The following GBA2 variants were observed in gnomAD, a reference collection of about 807,000 sequenced individuals.
The protein encoded by GBA2 is glucosylceramidase beta 2.
In GBA2, 79 loss-of-function variants were observed where a neutral mutation model predicts 112.9. The observed-to-expected ratio is 0.70, with a 90% confidence interval of 0.58 to 0.84. GBA2 has a LOEUF of 0.84. GBA2 is among the 40% of genes least tolerant of loss of function. The pLI is 0.00. For synonymous variants in GBA2, 403 were observed against 434.3 expected (o/e 0.93, Z 0.90); for missense variants, 1,043 against 1,190.0 (o/e 0.88, Z 1.82).
Position 35,737,518 on chromosome 9 carries a change from G to A in GBA2, c.2506-71C>T. 6.4e-7 allele frequency: 1 copy of A among 1,573,270 alleles called. No individual in the cohort carries two copies. Among genetic ancestry groups the A allele is most frequent in the Admixed American group, 1.9e-5 (1 of 53,214 alleles). ...GAAGAGCCACTTCCACTGGATAGATGGAGGCAGTAGAGTCTTTGCCTTCAA... is the reference window on the plus strand; with the variant it reads ...GAAGAGCCACTTCCACTGGATAGATAGAGGCAGTAGAGTCTTTGCCTTCAA... On this transcript the variant is annotated intron_variant, in intron 16 of 16. Transcript: ENST00000378103. This position sits in a 1 kb window ranked among gnomAD's most constrained non-coding sequence, Gnocchi z 4.1.
intron 1 of GBA2, among the ~76,000 whole-genome samples, chr9:35,747,236 G>A (rs969044231): frequency 2.0e-5 from 3 of 152,168 alleles, no homozygotes; most frequent in African/African-American, 7.2e-5. Flanking sequence ...AGGGCTAAGA[G>A]GCTAGGATGC....
chr9:35,739,917 T>C, intron 8 of GBA2, 81 bp downstream of exon 8: 1 of 1,571,930 alleles, frequency 6.4e-7, no homozygotes, highest in Non-Finnish European at 8.7e-7. Flanking sequence ...TCTACTGACT[T>C]TGGTGGGTGG....
In GBA2 at chr9:35,740,916, A is replaced by C. The variant is rs1340358880; in HGVS notation, c.935T>G (p.Leu312Arg). 4.3e-6 allele frequency: 7 copies of C among 1,614,148 alleles called. No individual in the cohort carries two copies. Among genetic ancestry groups the C allele is most frequent in the Non-Finnish European group, 5.9e-6 (7 of 1,179,978 alleles). ...CCGGACAGTTTCCCCGCTACGCTCC[A>C]GACAGAAGGGCTCATTCCACAAACC... ...PGGLWNEPFC[L>R]ERSGETVRGL... The change falls in exon 5 of 17, where the codon CTG becomes CGG. Residue 312 changes from leucine (L) to arginine (R), a missense_variant. Coordinates refer to ENST00000378103, the MANE Select transcript of GBA2 (RefSeq NM_020944.3). This position sits in a 1 kb window ranked among gnomAD's most constrained non-coding sequence, Gnocchi z 4.7.
rs1038685843 is a variant in GBA2, at chr9:35,748,934, G to A, written c.-230C>T. 1 of 421,224 alleles carries A rather than the reference G, an allele frequency of 2.4e-6. No individual in the cohort carries two copies. The highest frequency in any genetic ancestry group is 6.2e-5 in the South Asian group (1 of 16,122). The allele number at this position is 421,224 out of a possible 1,614,324, so 26.1% of individuals were successfully genotyped here. On this transcript the variant is annotated 5_prime_UTR_variant, in exon 1 of 17. Coordinates refer to ENST00000378103, the MANE Select transcript of GBA2 (RefSeq NM_020944.3). ...TCGGTTGTCTCTGTAGGTCCTGGAC[G>A]GGAAGGGTCGGGCCTCGTCGTCATT... is the stretch of plus-strand genomic sequence containing the variant.
rs751575696 is a variant in GBA2 at position 35,737,717 on chromosome 9, T to C, written c.2505+31A>G. On this transcript the variant is annotated intron_variant, in intron 16 of 16. Transcript: ENST00000378103. The surrounding 1 kb of genome is among the most constrained non-coding windows in gnomAD (Gnocchi z 4.1). ...GAAGTTTTCTGGGCCAGGATACAGA[T>C]GGTGGAGAGATGGGAAAAGGAGTGC... is the stretch of plus-strand genomic sequence containing the variant. 3.7e-6 allele frequency: 6 copies of C among 1,611,642 alleles called. No individual in the cohort carries two copies. Among genetic ancestry groups the C allele is most frequent in the South Asian group, 2.2e-5 (2 of 91,038 alleles).
Position 35,738,545 on chromosome 9 carries a change from A to T in GBA2, c.2035T>A (p.Trp679Arg). ...GGYADQTYDGWVTTGPSAYCG... is the reference protein window; with the variant it reads ...GGYADQTYDGRVTTGPSAYCG... ...GCTAACCTGGGGCCTGTGGTCACCC[A>T]TCCATCATAGGTCTGGTCTGCATAG... The change falls in exon 13 of 17, where the codon TGG becomes AGG. Residue 679 changes from tryptophan (W) to arginine (R), a missense_variant. Trp to Arg is a moderately radical substitution (Grantham distance 101). Coordinates refer to ENST00000378103, the MANE Select transcript of GBA2 (RefSeq NM_020944.3). 1.2e-6 allele frequency: 2 copies of T among 1,613,068 alleles called. No individual in the cohort carries two copies. The highest frequency in any genetic ancestry group is 1.7e-6 in the Non-Finnish European group (2 of 1,178,982).
Position 35,738,794 on chromosome 9 carries a change from C to T in GBA2, c.1905G>A (p.Thr635=), listed in dbSNP as rs369401526. ...TGTCCTTCAGGAAGTTTTGATCACCCGTGAGGTAATAGTCCCGATAAACCT... is the reference window on the plus strand; with the variant it reads ...TGTCCTTCAGGAAGTTTTGATCACCTGTGAGGTAATAGTCCCGATAAACCT... The part of the protein sequence containing the change: ...VLQVYRDYYL[T]GDQNFLKDMW... The change falls in exon 12 of 17, where the codon ACG becomes ACA. Residue 635 remains threonine (T), a synonymous_variant. Coordinates refer to ENST00000378103, the MANE Select transcript of GBA2 (RefSeq NM_020944.3). 37 of 1,614,056 alleles carry T rather than the reference C, an allele frequency of 2.3e-5. No individual in the cohort carries two copies. The highest frequency in any genetic ancestry group is 2.8e-5 in the Non-Finnish European group (33 of 1,180,018).
rs1486112968 is a variant in GBA2 at position 35,739,398 on chromosome 9, T to C, written c.1604A>G (p.Asn535Ser). The change falls in exon 10 of 17, where the codon AAC (asparagine) becomes AGC (serine). Residue 535 changes from asparagine to serine, a missense_variant. By Grantham distance (46) the Asn-to-Ser change is conservative. Coordinates refer to ENST00000378103, the MANE Select transcript of GBA2 (RefSeq NM_020944.3). ...AGCATAAAAGTGGACATCATATGTG[T>C]TGTACATGCGGTACTCCTGGCCTGG... The part of the protein sequence containing the change: ...YLEGQEYRMY[N>S]TYDVHFYASF... 2 of 1,612,416 alleles carry C rather than the reference T, an allele frequency of 1.2e-6. No homozygotes were observed. The highest frequency in any genetic ancestry group is 4.5e-5 in the East Asian group (2 of 44,880).
Position 35,746,597 on chromosome 9 carries a change from A to T in GBA2, c.359+1749T>A, listed in dbSNP as rs112883818. On this transcript the variant is annotated intron_variant, in intron 1 of 16. Transcript: ENST00000378103. The surrounding 1 kb of genome is among the most constrained non-coding windows in gnomAD (Gnocchi z 5.2). ...CAAGAGCAAGACTGTCTCAAAAAAAAAATAATAATAAAATAAAAAGGGACA... is the reference window on the plus strand; with the variant it reads ...CAAGAGCAAGACTGTCTCAAAAAAATAATAATAATAAAATAAAAAGGGACA... 8.4e-3 allele frequency among the ~76,000 whole-genome samples: 1,285 copies of T among 152,252 alleles called. 20 individuals are homozygous for T. Among genetic ancestry groups the T allele is most frequent in the African/African-American group, 0.027 (1,112 of 41,510 alleles).
rs371965145 is a variant in GBA2 at position 35,737,961 on chromosome 9, C to T, written c.2314-22G>A. 20 of 1,606,276 alleles carry T rather than the reference C, an allele frequency of 1.2e-5. No homozygotes were observed. Among genetic ancestry groups the T allele is most frequent in the Non-Finnish European group, 1.7e-5 (20 of 1,176,164 alleles). ...ACACCTGGAGGGGCAAGGGCAGGAA[C>T]ATGGTCTCATATACTTACTTCCCAC... is the stretch of plus-strand genomic sequence containing the variant. On this transcript the variant is annotated intron_variant, in intron 15 of 16. Transcript: ENST00000378103. The surrounding 1 kb of genome is among the most constrained non-coding windows in gnomAD (Gnocchi z 4.1).
rs757341992 is a variant in GBA2, at chr9:35,740,083, G to T, written c.1324C>A (p.Pro442Thr). 6.2e-7 allele frequency: 1 copy of T among 1,614,120 alleles called. No individual in the cohort carries two copies. The highest frequency in any genetic ancestry group is 8.5e-7 in the Non-Finnish European group (1 of 1,179,990). ...CACAGTGCATAGTGGCTGAGGGCAG[G>T]TGCTGCATCTCCATCCTGGCCAAAG... ...RFFGQDGDAA[P>T]ALSHYALCRY... Residue 442 changes from proline (P) to threonine (T), a missense_variant, in exon 8 of 17, where the codon CCT becomes ACT. Transcript: ENST00000378103. The surrounding 1 kb of genome is among the most constrained non-coding windows in gnomAD (Gnocchi z 4.7).
intron 9 of GBA2, 57 bp from the exon 10 acceptor site, chr9:35,739,476 C>T (rs1826495742): frequency 1.4e-6 from 2 of 1,382,488 alleles, no homozygotes; most frequent in Admixed American, 1.7e-5. Flanking sequence ...CTTCAAACCC[C>T]TCTGTAGCTT....
chr9:35,741,336 TTTTTG>T lies in GBA2; in HGVS notation c.787-277_787-273del. The T allele has an allele frequency of 1.9e-6, 1 of 521,480 alleles. No individual in the cohort carries two copies. The highest frequency in any genetic ancestry group is 3.4e-6 in the Non-Finnish European group (1 of 295,986). The allele number at this position is 521,480 out of a possible 1,614,324, so 32.3% of individuals were successfully genotyped here. ...AGGCCATGCAGTTTCTTTTTTTTTT[TTTTTG>T]GGGGGTGCGGTGGCGCAATCTCGGC... On this transcript the variant is annotated intron_variant, in intron 4 of 16. Coordinates refer to ENST00000378103, the MANE Select transcript of GBA2 (RefSeq NM_020944.3). This position sits in a 1 kb window ranked among gnomAD's most constrained non-coding sequence, Gnocchi z 4.6.
intron 9 of GBA2, 103 bp downstream of exon 9, chr9:35,739,525 A>C (rs1326994651): frequency 7.7e-7 from 1 of 1,295,436 alleles, no homozygotes; most frequent in East Asian, 2.3e-5. Flanking sequence ...TTACTAGTCC[A>C]CACCCAACAC....
rs911679880 is a variant in GBA2 at position 35,748,798 on chromosome 9, C to G, written c.-94G>C. 2.6e-6 allele frequency: 2 copies of G among 759,530 alleles called. No individual in the cohort carries two copies. The highest frequency in any genetic ancestry group is 4.3e-6 in the Non-Finnish European group (2 of 464,864). The allele number at this position is 759,530 out of a possible 1,614,324, so 47.0% of individuals were successfully genotyped here. On this transcript the variant is annotated 5_prime_UTR_variant, in exon 1 of 17. Coordinates refer to ENST00000378103, the MANE Select transcript of GBA2 (RefSeq NM_020944.3). ...CGCCGGTCGTTGTTAGGTATCGTCC[C>G]GGAGGGCCGGGCGTTGGGGAAAGCT...
In GBA2 at chr9:35,740,892, C is replaced by T. The variant is rs368192956; in HGVS notation, c.959G>A (p.Arg320Gln). 4.6e-5 allele frequency: 75 copies of T among 1,613,830 alleles called. No individual in the cohort carries two copies. The highest frequency in any genetic ancestry group is 5.6e-5 in the Non-Finnish European group (66 of 1,179,898). Residue 320 changes from arginine to glutamine, a missense_variant, in exon 5 of 17, where the codon CGG (arginine) becomes CAG (glutamine). Coordinates refer to ENST00000378103, the MANE Select transcript of GBA2 (RefSeq NM_020944.3). The surrounding 1 kb of genome is among the most constrained non-coding windows in gnomAD (Gnocchi z 4.7). ...FCLERSGETV[R>Q]GLLLHHPTLP... is the part of the protein sequence containing the mutation. ...GGTTGGATGATGCAGGAGCAGCCCC[C>T]GGACAGTTTCCCCGCTACGCTCCAG... is the stretch of plus-strand genomic sequence containing the variant.
chr9:35,740,315 ACAC>A lies in GBA2; in HGVS notation c.1174_1176del (p.Val392del). The A allele has an allele frequency of 1.9e-6, 3 of 1,613,894 alleles. No individual in the cohort carries two copies. The highest frequency in any genetic ancestry group is 2.5e-6 in the Non-Finnish European group (3 of 1,179,900). Reference sequence around the variant, plus strand: ...CGAGGTCGCAACTTGCTGGAAACACACACAGCTCCAGCAATGCCTACTCCTTTC... The same window carrying A: ...CGAGGTCGCAACTTGCTGGAAACACAAGCTCCAGCAATGCCTACTCCTTTC... On this transcript the variant is annotated inframe_deletion, in exon 7 of 17. Transcript: ENST00000378103. The surrounding 1 kb of genome is among the most constrained non-coding windows in gnomAD (Gnocchi z 4.7).
chr9:35,742,177 C>G (rs775703162), intron 3 of GBA2: 2 of 499,400 alleles, frequency 4.0e-6, no homozygotes, highest in Non-Finnish European at 7.3e-6. Context: ...GCAGAGTGAT[C>G]TTTCTCACAG....
Position 35,738,915 on chromosome 9 carries a change from G to A in GBA2, c.1796-12C>T. 6.2e-7 allele frequency: 1 copy of A among 1,613,898 alleles called. No homozygotes were observed. The highest frequency in any genetic ancestry group is 8.5e-7 in the Non-Finnish European group (1 of 1,179,790). On this transcript the variant is annotated splice_polypyrimidine_tract_variant and intron_variant, in intron 11 of 16. Transcript: ENST00000378103. The stretch of plus-strand genomic sequence containing the variant: ...CCATGGTTCATCATCTGTGGGAGAG[G>A]AGGGGACTTGGGTCACTTGCATTGG...
Sources: allele counts gnomAD v4.1 joint callset (sites outside exome capture counted in the v4.1 genomes callset), GRCh38; gene constraint gnomAD v4.1.1; non-coding constraint Gnocchi (gnomAD v3.1); transcripts MANE v1.5; gene names NCBI Gene and HGNC (gene_info 2026-07-23, HGNC 2026-07-21).